Variants in MAF observed in about 807,000 individuals in gnomAD.
MAF encodes transcription factor Maf.
A neutral mutation model predicts 22.0 loss-of-function variants in MAF; 10 were observed. The observed-to-expected ratio is 0.45, with a 90% CI of 0.28 to 0.77. The LOEUF is 0.77. Ranked by LOEUF, MAF falls within the 30% of genes least tolerant of loss-of-function variation. The pLI, the probability that MAF is intolerant of heterozygous loss-of-function variation, is 0.12. For missense variants in MAF, 544 were observed against 548.4 expected (o/e 0.99, Z 0.08); for synonymous variants, 337 against 255.8 (o/e 1.32, Z -3.03).
chr16:79,233,092 G>A, the MAF span, among the ~76,000 whole-genome samples: 275 of 151,868 alleles, frequency 1.8e-3, 4 homozygotes, highest in East Asian at 0.039. Context: ...TGCCCACCTC[G>A]GCCTCCCAAA....
chr16:79,322,662 G>C, the MAF span, among the ~76,000 whole-genome samples: 1 of 152,152 alleles, frequency 6.6e-6, no homozygotes. Context: ...TGCTAAGGTC[G>C]ACACACGGGT....
the MAF span, among the ~76,000 whole-genome samples, chr16:79,429,607 A>G: frequency 6.6e-6 from 1 of 152,164 alleles, no homozygotes; most frequent in Non-Finnish European, 1.5e-5. Context: ...CCCCACTGTG[A>G]GCAGCAAAGT....
the MAF span, among the ~76,000 whole-genome samples, chr16:79,240,769 G>T: frequency 6.6e-6 from 1 of 151,890 alleles, no homozygotes; most frequent in Non-Finnish European, 1.5e-5. Flanking sequence ...CCCAGTAGGG[G>T]CCAATGGACA....
At chr16:79,378,031 G>C in the MAF span, among the ~76,000 whole-genome samples, 1 of 152,126 alleles carries the variant, frequency 6.6e-6, no homozygotes, top group Non-Finnish European at 1.5e-5. Context: ...GGTTCCTTAT[G>C]AACTTTAAAG....
At chr16:79,284,794 A>G in the MAF span, among the ~76,000 whole-genome samples, 1 of 152,208 alleles carries the variant, frequency 6.6e-6, no homozygotes, top group South Asian at 2.1e-4. Context: ...TCAACCTGAG[A>G]ACAAACTTCA....
At chr16:79,303,571 TCC>T in the MAF span, among the ~76,000 whole-genome samples, 4 of 152,142 alleles carry the variant, frequency 2.6e-5, no homozygotes, top group African/African-American at 9.7e-5. Flanking sequence ...TATGCCCTCT[TCC>T]AAAGGCTGTT....
chr16:79,322,032 G>A, the MAF span, among the ~76,000 whole-genome samples: 36 of 152,194 alleles, frequency 2.4e-4, no homozygotes, highest in African/African-American at 7.7e-4. Context: ...AGAGGTTTGC[G>A]ACCAACCTGG....
the MAF span, among the ~76,000 whole-genome samples, chr16:79,222,092 G>C: frequency 1.3e-5 from 2 of 152,066 alleles, no homozygotes; most frequent in African/African-American, 2.4e-5. Context: ...AAATTTAATA[G>C]AAATGATGTT....
chr16:79,306,939 A>T, the MAF span, among the ~76,000 whole-genome samples: 2 of 152,148 alleles, frequency 1.3e-5, no homozygotes, highest in Non-Finnish European at 2.9e-5. Flanking sequence ...AGCACTTAAG[A>T]CTGTGCTGGG....
chr16:79,465,773 G>A, the MAF span, among the ~76,000 whole-genome samples: 1 of 152,222 alleles, frequency 6.6e-6, no homozygotes, highest in Admixed American at 6.5e-5. Context: ...CCAGCAAAGA[G>A]GGAGCTGTAG....
the MAF span, among the ~76,000 whole-genome samples, chr16:79,360,680 G>T: frequency 6.6e-6 from 1 of 152,168 alleles, no homozygotes; most frequent in African/African-American, 2.4e-5. Context: ...AGAGGTCAGG[G>T]TAGGACAAGT....
the MAF span, among the ~76,000 whole-genome samples, chr16:79,257,606 G>A: frequency 6.6e-5 from 10 of 152,166 alleles, no homozygotes; most frequent in South Asian, 2.1e-4. Flanking sequence ...AGCCTCAGCC[G>A]AGCTACTTAA....
the MAF span, among the ~76,000 whole-genome samples, chr16:79,377,258 G>T: frequency 5.3e-5 from 8 of 152,092 alleles, no homozygotes; most frequent in South Asian, 2.1e-4. Context: ...TTTGATTTGC[G>T]TTTCTCTGAT....
At chr16:79,535,756 C>A in the MAF span, among the ~76,000 whole-genome samples, 1 of 151,762 alleles carries the variant, frequency 6.6e-6, no homozygotes. Context: ...TGCCACCATG[C>A]CCAGCTAAGA....
the MAF span, among the ~76,000 whole-genome samples, chr16:79,340,258 C>G: frequency 6.6e-6 from 1 of 151,964 alleles, no homozygotes; most frequent in Non-Finnish European, 1.5e-5. Flanking sequence ...CTACCTCTTC[C>G]TGCCTGCCTT....
At chr16:79,580,932 G>T (rs1487267384), downstream of MAF, among the ~76,000 whole-genome samples, 2 of 152,068 alleles carry the variant, frequency 1.3e-5, no homozygotes, top group African/African-American at 4.8e-5. Context: ...CTACCCACTG[G>T]AGCAAAGAAT....
the MAF span, among the ~76,000 whole-genome samples, chr16:79,514,176 C>T: frequency 4.6e-5 from 7 of 152,192 alleles, no homozygotes; most frequent in South Asian, 4.1e-4. Flanking sequence ...TAAGCTCTTC[C>T]GGCTTGTTGG....
chr16:79,490,733 A>C, the MAF span, among the ~76,000 whole-genome samples: 20 of 152,256 alleles, frequency 1.3e-4, no homozygotes, highest in Non-Finnish European at 2.2e-4. Context: ...CTATGCATTA[A>C]GAAATACAGA....
the MAF span, among the ~76,000 whole-genome samples, chr16:79,314,290 C>T: frequency 7.9e-4 from 120 of 152,288 alleles, no homozygotes; most frequent in Non-Finnish European, 1.2e-3. Context: ...CTCTTGGCAA[C>T]CATCACTCTC....
Sources: gnomAD v4.1 joint callset for allele counts (sites outside exome capture counted in the v4.1 genomes callset) on GRCh38, gnomAD v4.1.1 for gene constraint, MANE v1.5 for transcripts, NCBI Gene and HGNC (gene_info 2026-07-23, HGNC 2026-07-21) for gene names.